Variants in CCDC148 observed in about 807,000 individuals in gnomAD.
CCDC148 encodes coiled-coil domain containing 148.
CCDC148 carries 89 observed loss-of-function variants against 85.7 expected under a neutral mutation model. That is an observed-to-expected ratio of 1.04 (90% confidence interval 0.87 to 1.24). CCDC148 has a LOEUF of 1.24. CCDC148 is among the 50% of genes most tolerant of loss of function. CCDC148 has a pLI of 0.00. For synonymous variants in CCDC148, 230 were observed against 213.9 expected, an observed-to-expected ratio of 1.08 and a Z score of -0.66; for missense variants, 692 against 671.7, an observed-to-expected ratio of 1.03 and a Z score of -0.33.
intron 7 of CCDC148, among the ~76,000 whole-genome samples, chr2:158,314,987 A>G (rs1306174189): frequency 6.6e-6 from 1 of 152,200 alleles, no homozygotes; most frequent in African/African-American, 2.4e-5. Flanking sequence ...TATTATTCTG[A>G]TAAGTAGCAA....
At chr2:158,429,442 T>C (rs1156276881) in intron 1 of CCDC148, among the ~76,000 whole-genome samples, 2 of 151,880 alleles carry the variant, frequency 1.3e-5, no homozygotes, top group Admixed American at 6.6e-5. Flanking sequence ...TTCCAAGATA[T>C]AATGTTAAGG....
chr2:158,270,926 G>A (rs79289935), intron 9 of CCDC148, among the ~76,000 whole-genome samples: 5,856 of 152,204 alleles, frequency 0.038, 171 homozygotes, highest in Non-Finnish European at 0.063. Flanking sequence ...TTCATTCAAC[G>A]TTTCACAACA....
At chr2:158,425,443 A>G (rs1687031029) in intron 1 of CCDC148, 1 of 317,514 alleles carries the variant, frequency 3.1e-6, no homozygotes, top group Non-Finnish European at 6.2e-6. Flanking sequence ...AATTGTGTCT[A>G]ACTGTATATA....
intron 7 of CCDC148, among the ~76,000 whole-genome samples, chr2:158,317,144 T>A (rs984544674): frequency 1.3e-5 from 2 of 152,180 alleles, no homozygotes; most frequent in African/African-American, 4.8e-5. Context: ...AAAATGACTC[T>A]ACGTTAAAAG....
At chr2:158,217,393 T>C (rs201365022) in intron 11 of CCDC148, among the ~76,000 whole-genome samples, 9,579 of 135,214 alleles carry the variant, frequency 0.071, 810 homozygotes, top group African/African-American at 0.2. Flanking sequence ...TATATATATA[T>C]ACACACACAC....
chr2:158,248,737 A>G (rs1204767136), intron 10 of CCDC148, among the ~76,000 whole-genome samples: 1 of 152,160 alleles, frequency 6.6e-6, no homozygotes, highest in Non-Finnish European at 1.5e-5. Context: ...TATAGATCAC[A>G]TCTTGCATTC....
chr2:158,197,597 G>A (rs984567764), intron 11 of CCDC148, among the ~76,000 whole-genome samples: 2 of 152,098 alleles, frequency 1.3e-5, no homozygotes, highest in Non-Finnish European at 2.9e-5. Context: ...TTATTTTGCT[G>A]GAGAGCATAA....
intron 7 of CCDC148, among the ~76,000 whole-genome samples, chr2:158,322,783 G>A (rs1373896798): frequency 6.6e-6 from 1 of 151,992 alleles, no homozygotes; most frequent in Admixed American, 6.6e-5. Context: ...GGAGAAAATT[G>A]TTAAATCATT....
intron 11 of CCDC148, among the ~76,000 whole-genome samples, chr2:158,219,754 G>T (rs768326707): frequency 2.0e-5 from 3 of 152,070 alleles, no homozygotes; most frequent in Non-Finnish European, 4.4e-5. Context: ...CTATCTTAAC[G>T]CACCCAAGAA....
intron 9 of CCDC148, among the ~76,000 whole-genome samples, chr2:158,257,141 C>T (rs78384759): frequency 0.17 from 25,516 of 151,502 alleles, 2,667 homozygotes; most frequent in Middle Eastern, 0.25. Flanking sequence ...CCGTGAGACT[C>T]CTGATCCCTG....
At chr2:158,316,301 G>A (rs1692279407) in intron 7 of CCDC148, among the ~76,000 whole-genome samples, 2 of 152,188 alleles carry the variant, frequency 1.3e-5, no homozygotes, top group African/African-American at 4.8e-5. Context: ...AATAAATATA[G>A]CAGCAGAAGA....
At chr2:158,355,164 G>T (rs1216475567) in intron 2 of CCDC148, among the ~76,000 whole-genome samples, 1 of 151,566 alleles carries the variant, frequency 6.6e-6, no homozygotes, top group Non-Finnish European at 1.5e-5. Context: ...TTTGAAAACT[G>T]GCACAAGACA....
chr2:158,251,329 T>C (rs572309122), intron 9 of CCDC148, among the ~76,000 whole-genome samples: 1 of 151,996 alleles, frequency 6.6e-6, no homozygotes, highest in Non-Finnish European at 1.5e-5. Flanking sequence ...TCAGCCTTCT[T>C]ATTTTATAAG....
intron 9 of CCDC148, among the ~76,000 whole-genome samples, chr2:158,308,186 C>T (rs192219148): frequency 3.3e-5 from 5 of 152,280 alleles, no homozygotes; most frequent in Middle Eastern, 3.4e-3. Flanking sequence ...CTAAAGTGCA[C>T]TTGTGCACTT....
intron 9 of CCDC148, among the ~76,000 whole-genome samples, chr2:158,303,754 T>C (rs1426495864): frequency 1.3e-5 from 2 of 151,342 alleles, no homozygotes; most frequent in Admixed American, 6.6e-5. Flanking sequence ...AGATATTTGT[T>C]TACCCTCATG....
At chr2:158,351,540 C>T (rs142662679) in intron 2 of CCDC148, among the ~76,000 whole-genome samples, 8 of 152,260 alleles carry the variant, frequency 5.3e-5, no homozygotes, top group South Asian at 4.2e-4. Context: ...CGGCGCATCA[C>T]GAGATTATAT....
At chr2:158,408,838 T>A (rs1350410163) in intron 1 of CCDC148, among the ~76,000 whole-genome samples, 1 of 152,066 alleles carries the variant, frequency 6.6e-6, no homozygotes, top group African/African-American at 2.4e-5. Flanking sequence ...TTTCTCCACA[T>A]CCTCACCAAC....
At chr2:158,280,536 A>T (rs913988283) in intron 9 of CCDC148, among the ~76,000 whole-genome samples, 21 of 152,274 alleles carry the variant, frequency 1.4e-4, no homozygotes, top group Middle Eastern at 3.4e-3. Context: ...AAGAAGGCCA[A>T]TACATAATGG....
chr2:158,443,637 C>T (rs1169153352), intron 1 of CCDC148, among the ~76,000 whole-genome samples: 1 of 151,562 alleles, frequency 6.6e-6, no homozygotes, highest in East Asian at 1.9e-4. Context: ...ATGTGATAAA[C>T]ATATTTGGGA....
Sources: gnomAD v4.1 joint callset for allele counts (sites outside exome capture counted in the v4.1 genomes callset) on GRCh38, gnomAD v4.1.1 for gene constraint, MANE v1.5 for transcripts, NCBI Gene and HGNC (gene_info 2026-07-23, HGNC 2026-07-21) for gene names.